Variants in CAPN7 observed in about 807,000 individuals in gnomAD.
CAPN7 encodes calpain 7.
In CAPN7, 72 loss-of-function variants were observed where a neutral mutation model predicts 115.2. The observed-to-expected ratio is 0.63, with a 90% CI of 0.52 to 0.76. The LOEUF is 0.76. Among genes scored for constraint, CAPN7 ranks in the 30% least tolerant of loss-of-function variants. The pLI is 0.00. For synonymous variants in CAPN7, 344 were observed against 322.3 expected (o/e 1.07, Z -0.72); for missense variants, 905 against 971.5 (o/e 0.93, Z 0.91).
rs932263280 is a variant in CAPN7, at chr3:15,247,799, G to T, written c.2204+342G>T. Reference sequence around the variant, plus strand: ...CTTAAGACAAAGAGCATATTAAAATGTTTGTAAATATGCTGCATTGATAAG... The same window carrying T: ...CTTAAGACAAAGAGCATATTAAAATTTTTGTAAATATGCTGCATTGATAAG... On this transcript the variant is annotated intron_variant, in intron 19 of 20. Coordinates refer to ENST00000253693, the MANE Select transcript of CAPN7 (RefSeq NM_014296.3). Among the ~76,000 whole-genome samples the T allele has an allele frequency of 9.9e-5, 15 of 152,120 alleles. 1 individual carries two copies. The highest frequency in any genetic ancestry group is 1.6e-4 in the Non-Finnish European group (11 of 68,028).
Position 15,240,467 on chromosome 3 carries a change from A to G in CAPN7, c.1408-6A>G. On this transcript the variant is annotated splice_polypyrimidine_tract_variant and splice_region_variant and intron_variant, in intron 12 of 20. Coordinates refer to ENST00000253693, the MANE Select transcript of CAPN7 (RefSeq NM_014296.3). ...TAATGTTATCTCCTGTTTCTTTTTT[A>G]TATAGGGGCTGCGATTTATCCAGTT... The G allele has an allele frequency of 6.2e-7, 1 of 1,607,302 alleles. No homozygotes were observed. Among genetic ancestry groups the G allele is most frequent in the Non-Finnish European group, 8.5e-7 (1 of 1,178,438 alleles).
At chr3:15,222,005 C>T (rs1280865702) in intron 5 of CAPN7, among the ~76,000 whole-genome samples, 17 of 148,134 alleles carry the variant, frequency 1.1e-4, no homozygotes, top group African/African-American at 3.3e-4. Flanking sequence ...TATACATATA[C>T]GTATATAGTA....
intron 2 of CAPN7, among the ~76,000 whole-genome samples, chr3:15,216,371 T>C (rs1693594649): frequency 6.6e-6 from 1 of 152,342 alleles, no homozygotes; most frequent in East Asian, 1.9e-4. Flanking sequence ...TGTTTTGCAT[T>C]TTTTGATGGC....
At position 15,230,578 on chromosome 3, in the gene CAPN7, G is replaced by A. The variant is rs375042483; in HGVS notation, c.1032+43G>A. On this transcript the variant is annotated intron_variant, in intron 9 of 20. Transcript: ENST00000253693. ...CCACTCCCATCCCTTGTCTCTCTCCGTTCCCTACCTTTGAATCTTGAGTGA... is the reference window on the plus strand; with the variant it reads ...CCACTCCCATCCCTTGTCTCTCTCCATTCCCTACCTTTGAATCTTGAGTGA... 1.7e-3 allele frequency: 1,946 copies of A among 1,129,636 alleles called. 50 individuals are homozygous for A. In the South Asian group the frequency reaches 0.023, roughly 13 times the overall value. The allele number at this position is 1,129,636 out of a possible 1,614,324, so 70.0% of individuals were successfully genotyped here. A position where few individuals can be genotyped will look rare whatever the true frequency, so the allele number is the denominator to read the frequency against.
At chr3:15,223,331 G>A (rs1003952051) in intron 5 of CAPN7, 144 bp from the exon 6 acceptor site, 1 of 605,754 alleles carries the variant, frequency 1.7e-6, no homozygotes, top group Non-Finnish European at 2.9e-6. Context: ...TGAAAATATT[G>A]TCCAAAGATA....
intron 16 of CAPN7, among the ~76,000 whole-genome samples, chr3:15,242,874 G>A (rs377548470): frequency 5.3e-5 from 8 of 152,306 alleles, no homozygotes; most frequent in Admixed American, 3.9e-4. Context: ...TTTAAAAAAT[G>A]TGTATCACTT....
intron 1 of CAPN7, 73 bp downstream of exon 1, chr3:15,206,670 G>T: frequency 1.8e-6 from 2 of 1,120,500 alleles, no homozygotes; most frequent in Middle Eastern, 5.2e-4. Flanking sequence ...CCGAGGGGCG[G>T]GATCCGGGTG....
intron 19 of CAPN7, among the ~76,000 whole-genome samples, chr3:15,248,730 C>T (rs1002241069): frequency 1.2e-4 from 18 of 152,104 alleles, no homozygotes; most frequent in Admixed American, 3.9e-4. Flanking sequence ...TGGTGGCTAA[C>T]ACCTGTAATC....
In CAPN7 at chr3:15,235,107, AC is replaced by A. The variant is rs767446080; in HGVS notation, c.1370del (p.Thr457AsnfsTer20). ...AGGAGAGAAGTGGGGTCTGGTTCCC[AC>A]ACACGCATATGCTGTTTTGGATATT... ...AEGEKWGLVP[T>X]HAYAVLDIRE... On this transcript the variant is annotated frameshift_variant, in exon 12 of 21. Coordinates refer to ENST00000253693, the MANE Select transcript of CAPN7 (RefSeq NM_014296.3). LOFTEE classifies it high-confidence loss of function. 1 of 1,613,818 alleles carries A rather than the reference AC, an allele frequency of 6.2e-7. No homozygotes were observed. The highest frequency in any genetic ancestry group is 1.1e-5 in the South Asian group (1 of 91,050).
chr3:15,230,439 A>G lies in CAPN7; in HGVS notation c.939-3A>G, dbSNP rs1420561664. The G allele has an allele frequency of 1.3e-6, 2 of 1,596,228 alleles. No individual in the cohort carries two copies. The highest frequency in any genetic ancestry group is 2.2e-5 in the South Asian group (2 of 90,666). On this transcript the variant is annotated splice_polypyrimidine_tract_variant and splice_region_variant and intron_variant, in intron 8 of 20. Transcript: ENST00000253693. ...ATTTTAATATTTATTTTTCTTACAA[A>G]AGCATAATTTACCCTCAAAACAAGG...
chr3:15,248,548 A>G (rs960788635), intron 19 of CAPN7, among the ~76,000 whole-genome samples: 1 of 152,244 alleles, frequency 6.6e-6, no homozygotes, highest in Non-Finnish European at 1.5e-5. Flanking sequence ...AGGAGTTGCA[A>G]TTAGGAATAT....
chr3:15,227,933 ATATAT>A lies in CAPN7; in HGVS notation c.821_825del (p.Ile274AsnfsTer6). The A allele has an allele frequency of 6.6e-7, 1 of 1,507,432 alleles. No individual in the cohort carries two copies. The highest frequency in any genetic ancestry group is 8.9e-7 in the Non-Finnish European group (1 of 1,128,484). 93.4% of individuals were successfully genotyped at this position (1,507,432 alleles called of 1,614,324 possible). A position where few individuals can be genotyped will look rare whatever the true frequency, so the allele number is the denominator to read the frequency against. ...AGACCTCACCAACAATCCTACAATG[ATATAT>A]ACTGTGTCCAGTTTTAGCATAAAGC... On this transcript the variant is annotated frameshift_variant, in exon 7 of 21. Coordinates refer to ENST00000253693, the MANE Select transcript of CAPN7 (RefSeq NM_014296.3). LOFTEE classifies it high-confidence loss of function.
At chr3:15,242,875 T>C (rs766157123) in intron 16 of CAPN7, among the ~76,000 whole-genome samples, 26 of 152,226 alleles carry the variant, frequency 1.7e-4, no homozygotes, top group Non-Finnish European at 1.5e-4. Flanking sequence ...TTAAAAAATG[T>C]GTATCACTTA....
At chr3:15,245,767 T>A (rs1559411800) in intron 17 of CAPN7, 96 bp downstream of exon 17, 1 of 993,904 alleles carries the variant, frequency 1.0e-6, no homozygotes, top group African/African-American at 1.7e-5. Context: ...AAAAGTTTAT[T>A]TCTGAAAATG....
intron 12 of CAPN7, among the ~76,000 whole-genome samples, chr3:15,236,107 G>C (rs1694979790): frequency 6.6e-6 from 1 of 152,148 alleles, no homozygotes; most frequent in African/African-American, 2.4e-5. Context: ...GAAGATCAAG[G>C]CTGCATTGAG....
chr3:15,249,342 T>C (rs1322079625), intron 19 of CAPN7, among the ~76,000 whole-genome samples: 2 of 152,202 alleles, frequency 1.3e-5, no homozygotes, highest in African/African-American at 4.8e-5. Flanking sequence ...ATTATAAGCA[T>C]GAAAAAGGTA....
At chr3:15,250,239 T>G (rs1404668896) in intron 19 of CAPN7, among the ~76,000 whole-genome samples, 3 of 151,234 alleles carry the variant, frequency 2.0e-5, no homozygotes, top group Non-Finnish European at 4.4e-5. Context: ...TAGACAGATA[T>G]GGTGGTACAT....
At chr3:15,215,493 A>G (rs183816068) in intron 2 of CAPN7, among the ~76,000 whole-genome samples, 3 of 152,276 alleles carry the variant, frequency 2.0e-5, no homozygotes, top group Non-Finnish European at 1.5e-5. Flanking sequence ...TTAGCAGTCA[A>G]TCCCCATTCC....
intron 1 of CAPN7, 132 bp downstream of exon 1, chr3:15,206,729 C>G (rs1287163803): frequency 4.5e-6 from 3 of 660,978 alleles, no homozygotes; most frequent in Non-Finnish European, 7.6e-6. Flanking sequence ...GCCTCCCGGC[C>G]CTCCTCTTGT....
Sources: allele counts gnomAD v4.1 joint callset (sites outside exome capture counted in the v4.1 genomes callset), GRCh38; gene constraint gnomAD v4.1.1; transcripts MANE v1.5; gene names NCBI Gene and HGNC (gene_info 2026-07-23, HGNC 2026-07-21).